Variants in MGAT4C observed in about 807,000 individuals in gnomAD.
MGAT4C encodes the protein alpha-1,3-mannosyl-glycoprotein 4-beta-N-acetylglucosaminyltransferase C.
In MGAT4C, 19 loss-of-function variants were observed where a neutral mutation model predicts 40.1. That is an observed-to-expected ratio of 0.47 (90% confidence interval 0.33 to 0.70). The LOEUF is 0.70. MGAT4C is among the 30% of genes least tolerant of loss of function. The pLI, the probability that MGAT4C is intolerant of heterozygous loss-of-function variation, is 0.02. For missense variants in MGAT4C, 491 were observed against 563.2 expected, an observed-to-expected ratio of 0.87 and a Z score of 1.30; for synonymous variants, 181 against 187.1, an observed-to-expected ratio of 0.97 and a Z score of 0.27.
intron 1 of MGAT4C, among the ~76,000 whole-genome samples, chr12:86,107,478 T>C (rs555526069): frequency 4.1e-4 from 63 of 152,274 alleles, no homozygotes; most frequent in Non-Finnish European, 7.9e-4. Context: ...AAACAAAATA[T>C]AACAGAATAA....
chr12:86,241,556 T>C (rs751597990), intron 1 of MGAT4C, among the ~76,000 whole-genome samples: 1 of 152,126 alleles, frequency 6.6e-6, no homozygotes, highest in Non-Finnish European at 1.5e-5. Context: ...TGCTCCAAAT[T>C]GTTTGGGTTC....
chr12:86,832,673 T>C (rs937000349), intron 1 of MGAT4C, among the ~76,000 whole-genome samples: 1 of 151,836 alleles, frequency 6.6e-6, no homozygotes, highest in African/African-American at 2.4e-5. Context: ...AACCGTGCCA[T>C]GGTTTGAGAG....
intron 2 of MGAT4C, among the ~76,000 whole-genome samples, chr12:86,481,771 T>C (rs900504369): frequency 2.6e-5 from 4 of 151,824 alleles, no homozygotes; most frequent in Non-Finnish European, 5.9e-5. Flanking sequence ...ATAAATAATA[T>C]ATTTTTATTT....
At chr12:85,995,010 C>T (rs1202812536) in intron 2 of MGAT4C, among the ~76,000 whole-genome samples, 2 of 152,218 alleles carry the variant, frequency 1.3e-5, no homozygotes, top group Admixed American at 1.3e-4. Flanking sequence ...ACTTTACCAT[C>T]TTCAGTCACT....
chr12:86,679,361 C>G (rs1314944975), intron 2 of MGAT4C, among the ~76,000 whole-genome samples: 4 of 151,972 alleles, frequency 2.6e-5, no homozygotes, highest in Non-Finnish European at 5.9e-5. Flanking sequence ...AAGATACAGA[C>G]CAGATCATAG....
Position 86,402,109 on chromosome 12 carries a change from G to A in MGAT4C, c.-120+33048C>T, listed in dbSNP as rs186471902. ...TAAGGGTATACTTTAATTTGGTGTC[G>A]TCTATTTAAAACACAATGCAAGCAG... On this transcript the variant is annotated intron_variant, in intron 3 of 7. Transcript: ENST00000548651. Among the ~76,000 whole-genome samples, 10 of 151,724 alleles carry A rather than the reference G, an allele frequency of 6.6e-5. No individual in the cohort carries two copies. In the East Asian group the frequency reaches 9.7e-4, roughly 15 times the overall value.
At chr12:86,477,027 T>A (rs557982179) in intron 2 of MGAT4C, among the ~76,000 whole-genome samples, 1 of 152,108 alleles carries the variant, frequency 6.6e-6, no homozygotes, top group East Asian at 1.9e-4. Context: ...AACCTCAGCA[T>A]CATGCAATAT....
chr12:86,110,973 T>A (rs1160012310), intron 1 of MGAT4C, among the ~76,000 whole-genome samples: 1 of 151,812 alleles, frequency 6.6e-6, no homozygotes, highest in Non-Finnish European at 1.5e-5. Context: ...CTAAAGATAT[T>A]TTTCATGTAT....
chr12:86,394,840 T>G (rs1315481682), intron 3 of MGAT4C, among the ~76,000 whole-genome samples: 1 of 151,674 alleles, frequency 6.6e-6, no homozygotes, highest in Non-Finnish European at 1.5e-5. Context: ...AGTCCTGAAC[T>G]CCTGACCTCA....
chr12:86,208,512 G>A (rs2135952476), intron 1 of MGAT4C, among the ~76,000 whole-genome samples: 1 of 152,218 alleles, frequency 6.6e-6, no homozygotes, highest in East Asian at 1.9e-4. Flanking sequence ...GTCCCTTTAA[G>A]ATGTAATTTT....
chr12:86,103,910 T>C (rs1875610845), intron 1 of MGAT4C, among the ~76,000 whole-genome samples: 1 of 151,800 alleles, frequency 6.6e-6, no homozygotes, highest in African/African-American at 2.4e-5. Flanking sequence ...TTAATAAAAA[T>C]TTGATGAACA....
chr12:86,208,886 G>A (rs1374529601), intron 1 of MGAT4C, among the ~76,000 whole-genome samples: 1 of 152,032 alleles, frequency 6.6e-6, no homozygotes, highest in Non-Finnish European at 1.5e-5. Flanking sequence ...AGCCATGTAA[G>A]TACAAAATAA....
chr12:86,315,960 G>T (rs1297390275), intron 4 of MGAT4C, among the ~76,000 whole-genome samples: 2 of 150,820 alleles, frequency 1.3e-5, no homozygotes, highest in Non-Finnish European at 2.9e-5. Context: ...TCCAACAAAG[G>T]TTTAATATCC....
At chr12:86,259,982 G>A (rs539318908), upstream of MGAT4C, among the ~76,000 whole-genome samples, 13 of 38,638 alleles carry the variant, frequency 3.4e-4, no homozygotes, top group East Asian at 0.014. Context: ...TGTGGTGAGA[G>A]GAAGCTAACC....
At chr12:86,089,610 G>T (rs1292877000) in intron 1 of MGAT4C, among the ~76,000 whole-genome samples, 1 of 151,664 alleles carries the variant, frequency 6.6e-6, no homozygotes, top group Non-Finnish European at 1.5e-5. Context: ...TTGTCCTGCT[G>T]ATTATCTTGA....
At chr12:86,670,431 C>A (rs1321279397) in intron 2 of MGAT4C, among the ~76,000 whole-genome samples, 2 of 151,654 alleles carry the variant, frequency 1.3e-5, no homozygotes, top group African/African-American at 4.8e-5. Flanking sequence ...TAAGTAATTT[C>A]AAAATAAAAT....
chr12:86,142,672 A>G (rs1882991147), intron 1 of MGAT4C, among the ~76,000 whole-genome samples: 1 of 151,752 alleles, frequency 6.6e-6, no homozygotes, highest in Non-Finnish European at 1.5e-5. Flanking sequence ...TACAATAACT[A>G]CATAGGTAGG....
intron 1 of MGAT4C, among the ~76,000 whole-genome samples, chr12:86,078,794 C>A (rs1453230065): frequency 2.6e-5 from 4 of 152,116 alleles, no homozygotes; most frequent in Non-Finnish European, 1.5e-5. Flanking sequence ...GGCTGATTGC[C>A]GTCCACAGAA....
intron 1 of MGAT4C, among the ~76,000 whole-genome samples, chr12:86,756,592 C>G (rs1951307952): frequency 6.6e-6 from 1 of 152,060 alleles, no homozygotes; most frequent in African/African-American, 2.4e-5. Flanking sequence ...TAGCATATCA[C>G]TATATTTCAT....
Sources: allele counts gnomAD v4.1 joint callset (sites outside exome capture counted in the v4.1 genomes callset), GRCh38; gene constraint gnomAD v4.1.1; transcripts MANE v1.5; gene names NCBI Gene and HGNC (gene_info 2026-07-23, HGNC 2026-07-21).